The following FTO variants were observed in gnomAD, a reference collection of about 807,000 sequenced individuals.
FTO encodes the protein alpha-ketoglutarate-dependent dioxygenase FTO.
A neutral mutation model predicts 63.9 loss-of-function variants in FTO; 47 were observed. The observed-to-expected ratio is 0.74, with a 90% CI of 0.58 to 0.94. The LOEUF is 0.94. Ranked by LOEUF, FTO falls within the 40% of genes least tolerant of loss-of-function variation. FTO has a pLI of 0.00. For missense variants in FTO, 562 were observed against 618.1 expected, an observed-to-expected ratio of 0.91 and a Z score of 0.96; for synonymous variants, 207 against 224.4, an observed-to-expected ratio of 0.92 and a Z score of 0.69.
chr16:53,730,954 T>C (rs2076257735), intron 1 of FTO, among the ~76,000 whole-genome samples: 1 of 152,222 alleles, frequency 6.6e-6, no homozygotes. Flanking sequence ...AACATTTGTA[T>C]GTGCATTTTT....
At chr16:53,768,556 C>A (rs2077262961) in intron 1 of FTO, among the ~76,000 whole-genome samples, 2 of 151,992 alleles carry the variant, frequency 1.3e-5, no homozygotes, top group Non-Finnish European at 2.9e-5. Context: ...TTTAAATTTC[C>A]CTTTTGATGC....
chr16:53,990,247 T>C (rs2083776472), intron 8 of FTO, among the ~76,000 whole-genome samples: 1 of 152,156 alleles, frequency 6.6e-6, no homozygotes, highest in Admixed American at 6.6e-5. Context: ...CAGTGCCTTA[T>C]AGCATACATT....
intron 8 of FTO, among the ~76,000 whole-genome samples, chr16:54,051,294 A>G (rs1402952798): frequency 6.6e-6 from 1 of 152,220 alleles, no homozygotes; most frequent in Non-Finnish European, 1.5e-5. Context: ...AAACAGGCCG[A>G]TCCTCCACTA....
At chr16:53,763,213 A>G (rs2077113470) in intron 1 of FTO, among the ~76,000 whole-genome samples, 1 of 152,104 alleles carries the variant, frequency 6.6e-6, no homozygotes, top group South Asian at 2.1e-4. Flanking sequence ...GTGCCAACCA[A>G]TTTGTTTTGC....
At chr16:53,970,446 C>T (rs564219812) in intron 8 of FTO, among the ~76,000 whole-genome samples, 1 of 151,792 alleles carries the variant, frequency 6.6e-6, no homozygotes, top group Non-Finnish European at 1.5e-5. Context: ...AAAAATAAGC[C>T]GGTTGTGGTG....
intron 1 of FTO, among the ~76,000 whole-genome samples, chr16:53,732,041 A>ATTTTTTTTTTTTT (rs375814669): frequency 2.0e-5 from 2 of 98,608 alleles, no homozygotes; most frequent in Non-Finnish European, 1.9e-5. Context: ...TTGTGGCCTT[A>ATTTTTTTTTTTTT]TTTTTTTTTT....
chr16:53,946,607 TG>T, intron 8 of FTO, among the ~76,000 whole-genome samples: 1 of 152,306 alleles, frequency 6.6e-6, no homozygotes, highest in Admixed American at 6.5e-5. Flanking sequence ...AAAAAGTTGC[TG>T]TTTACTGAAA....
At position 53,774,340 on chromosome 16, in the gene FTO, G is replaced by A. The variant is rs9927087; in HGVS notation, c.46-35800G>A. Among the ~76,000 whole-genome samples the A allele has an allele frequency of 7.1e-3, 1,081 of 152,200 alleles. 15 individuals are homozygous for A. The highest frequency in any genetic ancestry group is 0.024 in the African/African-American group (1,016 of 41,536). On this transcript the variant is annotated intron_variant, in intron 1 of 8. Transcript: ENST00000471389. ...CCTTTGCTTATATTCAAAGCTCCAG[G>A]TAAATATAAGATGTTGCTATAATTA...
At chr16:53,881,122 A>AAAATAAATAAAT (rs60470419) in intron 6 of FTO, among the ~76,000 whole-genome samples, 1,633 of 145,504 alleles carry the variant, frequency 0.011, 39 homozygotes, top group African/African-American at 0.037. Context: ...ACTCCGTCTC[A>AAAATAAATAAAT]AAATAAATAA....
chr16:54,058,415 G>T (rs1329453610), intron 8 of FTO, among the ~76,000 whole-genome samples: 2 of 152,150 alleles, frequency 1.3e-5, no homozygotes, highest in Non-Finnish European at 2.9e-5. Flanking sequence ...GAGCCACCAC[G>T]CCTGGCCGGA....
intron 2 of FTO, among the ~76,000 whole-genome samples, chr16:53,813,639 T>C (rs975061797): frequency 6.6e-6 from 1 of 152,206 alleles, no homozygotes; most frequent in African/African-American, 2.4e-5. Flanking sequence ...GACCTGACAC[T>C]GGGTCCCTTA....
At chr16:53,800,764 T>G (rs2078198740) in intron 1 of FTO, among the ~76,000 whole-genome samples, 1 of 152,178 alleles carries the variant, frequency 6.6e-6, no homozygotes, top group Non-Finnish European at 1.5e-5. Flanking sequence ...AATTCCATTT[T>G]GTCTGATATC....
In FTO at chr16:54,119,972, T is replaced by C. The variant is rs2086994475; in HGVS notation, c.*8057T>C. 6.6e-6 allele frequency: 1 copy of C among 152,162 alleles called. No individual in the cohort carries two copies. Among genetic ancestry groups the C allele is most frequent in the Non-Finnish European group, 1.5e-5 (1 of 68,032 alleles). 9.4% of individuals were successfully genotyped at this position (152,162 alleles called of 1,614,324 possible). A position where few individuals can be genotyped will look rare whatever the true frequency, so the allele number is the denominator to read the frequency against. On this transcript the variant is annotated 3_prime_UTR_variant, in exon 9 of 9. Coordinates refer to ENST00000471389, the MANE Select transcript of FTO (RefSeq NM_001080432.3). ...TCGATTTCCCAAGATTTAGACTGGG[T>C]CGGGTTGTTATTTCTTTTTTCCCTG...
intron 1 of FTO, among the ~76,000 whole-genome samples, chr16:53,738,966 G>T (rs1193581905): frequency 6.6e-6 from 1 of 151,664 alleles, no homozygotes; most frequent in Non-Finnish European, 1.5e-5. Flanking sequence ...TCAGCCTCCT[G>T]AGTAGCTGTA....
chr16:53,972,291 A>G (rs535218169), intron 8 of FTO, among the ~76,000 whole-genome samples: 1 of 152,242 alleles, frequency 6.6e-6, no homozygotes, highest in East Asian at 1.9e-4. Context: ...ATTGGAAAGT[A>G]TGATATTGGA....
intron 1 of FTO, among the ~76,000 whole-genome samples, chr16:53,796,556 A>G (rs899797811): frequency 2.0e-5 from 3 of 152,312 alleles, no homozygotes; most frequent in Middle Eastern, 6.8e-3. Context: ...ATACTACATG[A>G]ATTACTAATA....
At chr16:53,735,637 C>G (rs1364202784) in intron 1 of FTO, among the ~76,000 whole-genome samples, 2 of 152,176 alleles carry the variant, frequency 1.3e-5, no homozygotes, top group African/African-American at 2.4e-5. Flanking sequence ...ATGTGCTTCA[C>G]GGAGTGAGTA....
intron 1 of FTO, among the ~76,000 whole-genome samples, chr16:53,745,093 G>A (rs2388256): frequency 0.3 from 46,224 of 152,106 alleles, 8,591 homozygotes; most frequent in African/African-American, 0.52. Flanking sequence ...TTAAAGGAAA[G>A]CAAATATTGC....
chr16:53,836,222 C>T (rs1325501934), intron 3 of FTO, among the ~76,000 whole-genome samples: 1 of 152,108 alleles, frequency 6.6e-6, no homozygotes, highest in Non-Finnish European at 1.5e-5. Flanking sequence ...TGAAATATGA[C>T]ATATATCATA....
Sources: gnomAD v4.1 joint callset for allele counts (sites outside exome capture counted in the v4.1 genomes callset) on GRCh38, gnomAD v4.1.1 for gene constraint, MANE v1.5 for transcripts, NCBI Gene and HGNC (gene_info 2026-07-23, HGNC 2026-07-21) for gene names.